KCNG3: variants seen among roughly 807,000 people sequenced by gnomAD.
KCNG3 encodes the protein potassium voltage-gated channel modifier subfamily G member 3.
Under a neutral mutation model 29.0 loss-of-function variants are expected in KCNG3, and 15 were observed. The observed-to-expected ratio is 0.52, with a 90% CI of 0.35 to 0.80. The LOEUF (loss-of-function observed/expected upper bound fraction) is 0.80. Ranked by LOEUF, KCNG3 falls within the 30% of genes least tolerant of loss-of-function variation. The pLI is 0.01. For missense variants in KCNG3, 512 were observed against 605.7 expected (o/e 0.85, Z 1.62); for synonymous variants, 322 against 248.9 (o/e 1.29, Z -2.76).
At chr2:42,419,714 C>T in the KCNG3 span, among the ~76,000 whole-genome samples, 1 of 152,216 alleles carries the variant, frequency 6.6e-6, no homozygotes. Flanking sequence ...AGATCATCTA[C>T]TTATTTCATG....
At chr2:42,476,811 G>C (rs1377418951) in intron 1 of KCNG3, among the ~76,000 whole-genome samples, 2 of 151,202 alleles carry the variant, frequency 1.3e-5, no homozygotes, top group African/African-American at 4.9e-5. Flanking sequence ...TTTGTAAAAA[G>C]CAAAGAACTG....
chr2:42,483,975 AT>A (rs1673654061), intron 1 of KCNG3, among the ~76,000 whole-genome samples: 1 of 152,012 alleles, frequency 6.6e-6, no homozygotes. Context: ...TAGAGACGGG[AT>A]TTCGCCATGT....
the KCNG3 span, among the ~76,000 whole-genome samples, chr2:42,422,196 T>TTGAGGTGGGACCTCTC: frequency 1.3e-5 from 2 of 152,210 alleles, no homozygotes; most frequent in Non-Finnish European, 2.9e-5. Context: ...ATCCTCAGTG[T>TTGAGGTGGGACCTCTC]AACAGTGTTG....
intron 1 of KCNG3, among the ~76,000 whole-genome samples, chr2:42,484,675 T>C (rs184426906): frequency 3.2e-4 from 49 of 152,284 alleles, no homozygotes; most frequent in African/African-American, 1.2e-3. Flanking sequence ...ATTTTAACAC[T>C]TTTTTTCCGA....
chr2:42,426,442 C>A, the KCNG3 span, among the ~76,000 whole-genome samples: 2 of 152,168 alleles, frequency 1.3e-5, no homozygotes, highest in Non-Finnish European at 2.9e-5. Flanking sequence ...ACATCTGATC[C>A]TTCCATGACA....
At chr2:42,441,429 G>A (rs78146109), downstream of KCNG3, among the ~76,000 whole-genome samples, 163 of 151,962 alleles carry the variant, frequency 1.1e-3, 3 homozygotes, top group East Asian at 0.03. Flanking sequence ...AAGTAGCAAC[G>A]CTCAGGGAAC....
At chr2:42,439,863 G>A (rs1025514664), downstream of KCNG3, among the ~76,000 whole-genome samples, 2 of 151,458 alleles carry the variant, frequency 1.3e-5, no homozygotes, top group African/African-American at 2.4e-5. Flanking sequence ...GGCTGGTCTC[G>A]AACTCCTGAT....
chr2:42,428,265 G>A, the KCNG3 span, among the ~76,000 whole-genome samples: 3 of 151,394 alleles, frequency 2.0e-5, no homozygotes, highest in Non-Finnish European at 4.4e-5. Flanking sequence ...TTCGAGACCA[G>A]CCTGGCCAAC....
intron 1 of KCNG3, among the ~76,000 whole-genome samples, chr2:42,480,499 C>G (rs1673554769): frequency 6.6e-6 from 1 of 152,092 alleles, no homozygotes; most frequent in Admixed American, 6.6e-5. Flanking sequence ...TGCAACTACC[C>G]ACCTCTGCCA....
At chr2:42,422,083 T>C in the KCNG3 span, among the ~76,000 whole-genome samples, 2 of 152,154 alleles carry the variant, frequency 1.3e-5, no homozygotes, top group African/African-American at 4.8e-5. Context: ...TTTAATGAGG[T>C]AAAAGCCAAT....
At chr2:42,435,994 A>C in the KCNG3 span, among the ~76,000 whole-genome samples, 3 of 152,240 alleles carry the variant, frequency 2.0e-5, no homozygotes, top group Non-Finnish European at 4.4e-5. Context: ...GTGTCCATCA[A>C]CTGATGCATG....
intron 1 of KCNG3, among the ~76,000 whole-genome samples, chr2:42,477,994 G>A (rs548623017): frequency 7.9e-5 from 12 of 152,118 alleles, no homozygotes; most frequent in South Asian, 2.1e-4. Context: ...AGTGTTTTTC[G>A]TTTGTAAAGT....
At chr2:42,420,935 G>A in the KCNG3 span, among the ~76,000 whole-genome samples, 1 of 152,132 alleles carries the variant, frequency 6.6e-6, no homozygotes, top group African/African-American at 2.4e-5. Context: ...TAAGTTCCAG[G>A]TTGTATCCTT....
At chr2:42,452,841 G>T (rs1021839690) in intron 1 of KCNG3, among the ~76,000 whole-genome samples, 1 of 152,100 alleles carries the variant, frequency 6.6e-6, no homozygotes, top group South Asian at 2.1e-4. Flanking sequence ...GGGTGCAGTG[G>T]TGTGATCTAG....
At chr2:42,471,041 A>T (rs1056012035) in intron 1 of KCNG3, among the ~76,000 whole-genome samples, 8 of 151,726 alleles carry the variant, frequency 5.3e-5, no homozygotes, top group Non-Finnish European at 1.0e-4. Flanking sequence ...AGCACCAGCT[A>T]CTTGGAAAGC....
At chr2:42,439,420 C>G (rs981060422), downstream of KCNG3, among the ~76,000 whole-genome samples, 1 of 151,552 alleles carries the variant, frequency 6.6e-6, no homozygotes, top group South Asian at 2.1e-4. Context: ...TGTCATCAAG[C>G]CTGGCTAATT....
intron 1 of KCNG3, among the ~76,000 whole-genome samples, chr2:42,454,878 C>T (rs1226456459): frequency 1.3e-5 from 2 of 152,006 alleles, no homozygotes; most frequent in African/African-American, 4.8e-5. Context: ...TAGTTACAGG[C>T]AGCTGGGAAA....
chr2:42,419,982 G>C, the KCNG3 span, among the ~76,000 whole-genome samples: 3 of 152,182 alleles, frequency 2.0e-5, no homozygotes, highest in Non-Finnish European at 2.9e-5. Context: ...CAGCACTTTG[G>C]GAGGCTGAGG....
rs770383145 is a variant in KCNG3 at position 42,443,160 on chromosome 2, C to A, written c.*774G>T. ...TTGTTTGGACATCTAAATATTAGGA[C>A]AGTTATCACCTAGGAACAGCAATGA... On this transcript the variant is annotated 3_prime_UTR_variant, in exon 2 of 2. Coordinates refer to ENST00000306078, the MANE Select transcript of KCNG3 (RefSeq NM_133329.6). The A allele has an allele frequency of 6.6e-6, 1 of 152,090 alleles. No homozygotes were observed. The highest frequency in any genetic ancestry group is 2.4e-5 in the African/African-American group (1 of 41,392). 9.4% of individuals were successfully genotyped at this position (152,090 alleles called of 1,614,324 possible).
Sources: gnomAD v4.1 joint callset for allele counts (sites outside exome capture counted in the v4.1 genomes callset) on GRCh38, gnomAD v4.1.1 for gene constraint, MANE v1.5 for transcripts, NCBI Gene and HGNC (gene_info 2026-07-23, HGNC 2026-07-21) for gene names.